CHCHD6: variants seen among roughly 807,000 people sequenced by gnomAD.
CHCHD6 encodes coiled-coil-helix-coiled-coil-helix domain containing 6, also known as MICOS complex subunit MIC25.
CHCHD6 carries 28 observed loss-of-function variants against 32.3 expected under a neutral mutation model. The ratio of observed to expected loss-of-function variants is 0.87; its 90% CI spans 0.64 to 1.19. CHCHD6 has a LOEUF of 1.19. CHCHD6 is among the 50% of genes most tolerant of loss of function. The pLI, the probability that CHCHD6 is intolerant of heterozygous loss-of-function variation, is 0.00. For synonymous variants in CHCHD6, 122 were observed against 117.5 expected (o/e 1.04, Z -0.25); for missense variants, 333 against 307.0 (o/e 1.08, Z -0.63).
chr3:126,865,477 A>T, intron 5 of CHCHD6: 3 of 728,266 alleles, frequency 4.1e-6, no homozygotes, highest in Non-Finnish European at 5.0e-6. Context: ...ACTTTCATCA[A>T]CTCCATCACC....
At chr3:126,801,451 G>C (rs1275724411) in intron 4 of CHCHD6, among the ~76,000 whole-genome samples, 4 of 152,216 alleles carry the variant, frequency 2.6e-5, no homozygotes. Flanking sequence ...ACGGAGTCTT[G>C]CTGATTGCTA....
chr3:126,939,647 A>T (rs2078531584), intron 6 of CHCHD6, among the ~76,000 whole-genome samples: 1 of 152,242 alleles, frequency 6.6e-6, no homozygotes, highest in Admixed American at 6.5e-5. Flanking sequence ...TTTATCTCTC[A>T]CATACCTCGG....
At chr3:126,849,394 T>G (rs1941395298) in intron 4 of CHCHD6, among the ~76,000 whole-genome samples, 1 of 152,252 alleles carries the variant, frequency 6.6e-6, no homozygotes, top group Non-Finnish European at 1.5e-5. Context: ...TGTCCGTGTC[T>G]TTTTGTCATC....
At chr3:126,839,092 A>G (rs190385255) in intron 4 of CHCHD6, among the ~76,000 whole-genome samples, 1 of 152,002 alleles carries the variant, frequency 6.6e-6, no homozygotes, top group African/African-American at 2.4e-5. Context: ...GTCTCACTAC[A>G]TTGCCTGAGC....
intron 4 of CHCHD6, among the ~76,000 whole-genome samples, chr3:126,759,299 A>C (rs962528080): frequency 3.9e-5 from 6 of 152,234 alleles, no homozygotes; most frequent in Non-Finnish European, 7.3e-5. Flanking sequence ...TCATCCATAA[A>C]TACCTGAATA....
chr3:126,869,780 A>G (rs1464620154), intron 5 of CHCHD6, among the ~76,000 whole-genome samples: 8 of 152,190 alleles, frequency 5.3e-5, no homozygotes, highest in Non-Finnish European at 1.2e-4. Flanking sequence ...ACTTATTGTA[A>G]GTTTAAAAGC....
intron 5 of CHCHD6, among the ~76,000 whole-genome samples, chr3:126,901,315 G>A (rs2077924872): frequency 6.6e-6 from 1 of 152,234 alleles, no homozygotes; most frequent in South Asian, 2.1e-4. Context: ...CGCTGTCTGT[G>A]TCTCAGAATT....
chr3:126,896,519 C>G (rs1291825543), intron 5 of CHCHD6, among the ~76,000 whole-genome samples: 1 of 152,190 alleles, frequency 6.6e-6, no homozygotes, highest in East Asian at 1.9e-4. Flanking sequence ...CTCAGAGTTC[C>G]TTTCATCTTT....
intron 4 of CHCHD6, among the ~76,000 whole-genome samples, chr3:126,838,362 A>G (rs1940943976): frequency 6.6e-6 from 1 of 152,182 alleles, no homozygotes; most frequent in Non-Finnish European, 1.5e-5. Context: ...AAAGTGAGGA[A>G]GATGACCCTA....
intron 1 of CHCHD6, among the ~76,000 whole-genome samples, chr3:126,725,193 TAAA>T (rs925736381): frequency 1.3e-5 from 2 of 152,218 alleles, no homozygotes; most frequent in Non-Finnish European, 1.5e-5. Flanking sequence ...ATGAATTTCT[TAAA>T]TAATAAGACT....
At chr3:126,951,211 C>T (rs148859842) in intron 6 of CHCHD6, among the ~76,000 whole-genome samples, 5 of 152,336 alleles carry the variant, frequency 3.3e-5, no homozygotes, top group Admixed American at 2.0e-4. Context: ...GATGTGCCTG[C>T]TTCCCCCTCC....
intron 6 of CHCHD6, among the ~76,000 whole-genome samples, chr3:126,916,891 G>A (rs886986535): frequency 6.6e-6 from 1 of 152,220 alleles, no homozygotes; most frequent in Admixed American, 6.5e-5. Context: ...AAGGCCAATG[G>A]CCCCTCCCTT....
chr3:126,887,796 A>G (rs1416802824), intron 5 of CHCHD6, among the ~76,000 whole-genome samples: 2 of 152,184 alleles, frequency 1.3e-5, no homozygotes, highest in Non-Finnish European at 2.9e-5. Flanking sequence ...CCAAGCAGTC[A>G]ATGGTTCCCA....
chr3:126,722,585 C>G (rs974052844), intron 1 of CHCHD6, among the ~76,000 whole-genome samples: 1 of 152,102 alleles, frequency 6.6e-6, no homozygotes, highest in Non-Finnish European at 1.5e-5. Flanking sequence ...TGCTTATTGA[C>G]CATTTGTATA....
intron 4 of CHCHD6, among the ~76,000 whole-genome samples, chr3:126,848,980 A>G (rs766631640): frequency 6.6e-6 from 1 of 152,172 alleles, no homozygotes; most frequent in Non-Finnish European, 1.5e-5. Context: ...GTGCAGGACG[A>G]GGTCTGATTT....
At chr3:126,704,732 C>T (rs1338529242) in intron 1 of CHCHD6, among the ~76,000 whole-genome samples, 1 of 152,184 alleles carries the variant, frequency 6.6e-6, no homozygotes. Context: ...CAGCCCGTGG[C>T]CCCTCAGGTG....
At chr3:126,806,526 A>G (rs543010502) in intron 4 of CHCHD6, among the ~76,000 whole-genome samples, 3 of 152,324 alleles carry the variant, frequency 2.0e-5, no homozygotes, top group South Asian at 2.1e-4. Context: ...TAGAATGGCA[A>G]TCATTAAAAA....
At chr3:126,827,866 C>G (rs1326795769) in intron 4 of CHCHD6, among the ~76,000 whole-genome samples, 1 of 152,182 alleles carries the variant, frequency 6.6e-6, no homozygotes, top group Admixed American at 6.5e-5. Context: ...TCTTCAGGGT[C>G]TGGCCCAGAG....
At chr3:126,897,702 G>C (rs1486624486) in intron 5 of CHCHD6, among the ~76,000 whole-genome samples, 1 of 152,244 alleles carries the variant, frequency 6.6e-6, no homozygotes, top group East Asian at 1.9e-4. Context: ...GATTTAATGA[G>C]ATCACTTGCA....
Sources: allele counts gnomAD v4.1 joint callset (sites outside exome capture counted in the v4.1 genomes callset), GRCh38; gene constraint gnomAD v4.1.1; transcripts MANE v1.5; gene names NCBI Gene and HGNC (gene_info 2026-07-23, HGNC 2026-07-21).